Variants in PTPRN2 observed in about 807,000 individuals in gnomAD.
PTPRN2 encodes the protein receptor-type tyrosine-protein phosphatase N2.
PTPRN2 carries 74 observed loss-of-function variants against 118.8 expected under a neutral mutation model. That is an observed-to-expected ratio of 0.62 (90% CI 0.52 to 0.76). The LOEUF (loss-of-function observed/expected upper bound fraction) is 0.76. Ranked by LOEUF, PTPRN2 falls within the 30% of genes least tolerant of loss-of-function variation. PTPRN2 has a pLI of 0.00. For synonymous variants in PTPRN2, 641 were observed against 608.0 expected (o/e 1.05, Z -0.80); for missense variants, 1,481 against 1,394.4 (o/e 1.06, Z -0.99).
At chr7:157,561,976 T>C (rs1182298922) in intron 21 of PTPRN2, among the ~76,000 whole-genome samples, 8 of 152,148 alleles carry the variant, frequency 5.3e-5, no homozygotes, top group Non-Finnish European at 1.0e-4. Flanking sequence ...CCCTGGCATC[T>C]GCCAGAGAAG....
At chr7:158,336,559 A>AGT (rs1563164931) in intron 2 of PTPRN2, among the ~76,000 whole-genome samples, 13 of 119,934 alleles carry the variant, frequency 1.1e-4, no homozygotes, top group East Asian at 2.6e-4. Context: ...TCACACCCAC[A>AGT]CTCACCATAA....
intron 2 of PTPRN2, among the ~76,000 whole-genome samples, chr7:158,358,003 GTC>G (rs774753852): frequency 1.3e-5 from 2 of 152,364 alleles, no homozygotes; most frequent in South Asian, 2.1e-4. Flanking sequence ...TTCTGTCTCT[GTC>G]TCTCTCTTTT....
chr7:158,035,793 C>G (rs750259447), intron 11 of PTPRN2, among the ~76,000 whole-genome samples: 3 of 152,268 alleles, frequency 2.0e-5, no homozygotes, highest in African/African-American at 4.8e-5. Context: ...GTTGGAGGAA[C>G]CTTTCCAACA....
chr7:158,207,002 C>A (rs533705521), intron 3 of PTPRN2, among the ~76,000 whole-genome samples: 4,242 of 136,234 alleles, frequency 0.031, 235 homozygotes, highest in African/African-American at 0.11. Flanking sequence ...TGTTCCCCTT[C>A]CTGTGTCCAT....
At chr7:158,013,491 T>C (rs183697961) in intron 11 of PTPRN2, among the ~76,000 whole-genome samples, 143 of 150,870 alleles carry the variant, frequency 9.5e-4, no homozygotes, top group African/African-American at 3.3e-3. Context: ...CATATATCTA[T>C]CCATCCTCCA....
intron 1 of PTPRN2, among the ~76,000 whole-genome samples, chr7:158,567,775 C>G (rs1328517756): frequency 1.3e-5 from 2 of 152,168 alleles, no homozygotes; most frequent in African/African-American, 4.8e-5. Context: ...CCCCCCCACA[C>G]CTGATGAGGG....
chr7:158,019,132 C>T (rs1027461287), intron 11 of PTPRN2, among the ~76,000 whole-genome samples: 2 of 152,214 alleles, frequency 1.3e-5, no homozygotes, highest in African/African-American at 4.8e-5. Flanking sequence ...CACTTGCAGC[C>T]GGACCACCGA....
intron 8 of PTPRN2, among the ~76,000 whole-genome samples, chr7:158,135,562 C>T (rs76104594): frequency 0.026 from 3,899 of 152,170 alleles, 290 homozygotes; most frequent in East Asian, 0.23. Flanking sequence ...CAGAATTCCA[C>T]GCATGGAGGA....
At chr7:158,382,295 G>C (rs955308407) in intron 2 of PTPRN2, among the ~76,000 whole-genome samples, 1 of 152,106 alleles carries the variant, frequency 6.6e-6, no homozygotes, top group Non-Finnish European at 1.5e-5. Flanking sequence ...TCACCACCCT[G>C]GGCTGAAGAC....
chr7:158,369,249 T>TTATTTATA (rs1809767078), intron 2 of PTPRN2, among the ~76,000 whole-genome samples: 1 of 143,960 alleles, frequency 6.9e-6, no homozygotes, highest in Non-Finnish European at 1.5e-5. Flanking sequence ...AAACTCCCCT[T>TTATTTATA]TATATATATA....
rs888324790 is a variant in PTPRN2, at chr7:157,988,717, G to A, written c.1724-89980C>T. On this transcript the variant is annotated intron_variant, in intron 11 of 22. Transcript: ENST00000389418. ...ATGACCCGGTCCACAGGTCATGCAC[G>A]TCCACACTTTCTAAAAAACCACCTA... Among the ~76,000 whole-genome samples, 47 of 152,304 alleles carry A rather than the reference G, an allele frequency of 3.1e-4. 1 individual carries two copies. Among genetic ancestry groups the A allele is most frequent in the Non-Finnish European group, 5.4e-4 (37 of 68,026 alleles).
chr7:157,850,475 G>A (rs1054798675), intron 12 of PTPRN2, among the ~76,000 whole-genome samples: 19 of 152,262 alleles, frequency 1.2e-4, no homozygotes, highest in African/African-American at 2.6e-4. Flanking sequence ...CAGGTCTCCC[G>A]GGGCCTGGTG....
At chr7:157,802,235 C>T (rs1205013288) in intron 12 of PTPRN2, among the ~76,000 whole-genome samples, 1 of 152,230 alleles carries the variant, frequency 6.6e-6, no homozygotes, top group Non-Finnish European at 1.5e-5. Context: ...CGGCCCCTTC[C>T]CGTGCTTCCC....
chr7:157,552,415 C>T (rs961644847), intron 21 of PTPRN2, among the ~76,000 whole-genome samples: 2 of 152,102 alleles, frequency 1.3e-5, no homozygotes, highest in African/African-American at 4.8e-5. Flanking sequence ...GTACAGGCTC[C>T]ATCTAACACT....
intron 2 of PTPRN2, among the ~76,000 whole-genome samples, chr7:158,378,302 A>G (rs1242628148): frequency 6.6e-6 from 1 of 152,110 alleles, no homozygotes; most frequent in Non-Finnish European, 1.5e-5. Flanking sequence ...GAGTTTTCCT[A>G]AAGGGGCCTG....
In PTPRN2 at chr7:158,138,375, T is replaced by C. The variant is rs992451629; in HGVS notation, c.1051A>G (p.Ser351Gly). The C allele has an allele frequency of 8.7e-6, 14 of 1,613,778 alleles. No homozygotes were observed. The highest frequency in any genetic ancestry group is 1.2e-5 in the Non-Finnish European group (14 of 1,180,048). ...QGVDHGVARG[S>G]PGRAALGESG... is the part of the protein sequence containing the mutation. Reference sequence around the variant, plus strand: ...TCTCCCAGGGCCGCTCTCCCAGGGCTGCCTCGAGCTACTCCATGGTCCACG... The same window carrying C: ...TCTCCCAGGGCCGCTCTCCCAGGGCCGCCTCGAGCTACTCCATGGTCCACG... The change falls in exon 7 of 23, where the codon AGC becomes GGC. Residue 351 changes from serine to glycine, a missense_variant. Physicochemically the swap from Ser to Gly is moderately conservative, Grantham distance 56. Coordinates refer to ENST00000389418, the MANE Select transcript of PTPRN2 (RefSeq NM_002847.5).
intron 12 of PTPRN2, among the ~76,000 whole-genome samples, chr7:157,790,564 C>T (rs1473024704): frequency 6.6e-6 from 1 of 151,940 alleles, no homozygotes; most frequent in Non-Finnish European, 1.5e-5. Flanking sequence ...ATTTCAAACC[C>T]GTGGGTACAG....
chr7:158,556,316 G>A (rs1421269758), intron 1 of PTPRN2, among the ~76,000 whole-genome samples: 2 of 152,158 alleles, frequency 1.3e-5, no homozygotes, highest in African/African-American at 4.8e-5. Flanking sequence ...CATTTTGGGA[G>A]GCCGAGGCGG....
intron 9 of PTPRN2, among the ~76,000 whole-genome samples, chr7:158,133,183 A>C (rs1818514933): frequency 6.6e-6 from 1 of 152,168 alleles, no homozygotes; most frequent in Admixed American, 6.5e-5. Context: ...CTTTGGTGCA[A>C]AACAGATAAA....
Sources: gnomAD v4.1 joint callset for allele counts (sites outside exome capture counted in the v4.1 genomes callset) on GRCh38, gnomAD v4.1.1 for gene constraint, MANE v1.5 for transcripts, NCBI Gene and HGNC (gene_info 2026-07-23, HGNC 2026-07-21) for gene names.